Variants in ENTPD1 observed in about 807,000 individuals in gnomAD.
The protein encoded by ENTPD1 is ectonucleoside triphosphate diphosphohydrolase 1, also known as ATP diphosphohydrolase.
A neutral mutation model predicts 57.0 loss-of-function variants in ENTPD1; 33 were observed. The ratio of observed to expected loss-of-function variants is 0.58; its 90% CI spans 0.44 to 0.77. ENTPD1 has a LOEUF of 0.77. Among genes scored for constraint, ENTPD1 ranks in the 30% least tolerant of loss-of-function variants. The pLI, the probability that ENTPD1 is intolerant of heterozygous loss-of-function variation, is 0.00. For synonymous variants in ENTPD1, 202 were observed against 218.8 expected (o/e 0.92, Z 0.68); for missense variants, 501 against 603.4 (o/e 0.83, Z 1.78).
chr10:95,826,593 A>T (rs2098377926), intron 2 of ENTPD1, among the ~76,000 whole-genome samples: 1 of 134,808 alleles, frequency 7.4e-6, no homozygotes, highest in Non-Finnish European at 1.6e-5. Flanking sequence ...AAAAAAAAAA[A>T]TTCCAGGCAG....
rs188371857 is a variant in ENTPD1, at chr10:95,828,226, G to A, written c.144+4862G>A. On this transcript the variant is annotated intron_variant, in intron 2 of 9. Coordinates refer to ENST00000371205, the MANE Select transcript of ENTPD1 (RefSeq NM_001776.6). ...CAGCATTAGATTCTTATAGGACCGC[G>A]AACCCTATTGTGAACTGCACATATG... is the stretch of plus-strand genomic sequence containing the variant. Among the ~76,000 whole-genome samples, 5 of 152,234 alleles carry A rather than the reference G, an allele frequency of 3.3e-5. No individual in the cohort carries two copies. In the East Asian group the frequency reaches 7.7e-4, roughly 23 times the overall value.
the ENTPD1 span, among the ~76,000 whole-genome samples, chr10:95,705,728 G>A: frequency 6.6e-6 from 1 of 152,198 alleles, no homozygotes; most frequent in Non-Finnish European, 1.5e-5. Context: ...CTGACCTCAG[G>A]TGATCTGCCC....
intron 1 of ENTPD1, among the ~76,000 whole-genome samples, chr10:95,789,007 CA>C (rs1485818413): frequency 6.6e-6 from 1 of 152,074 alleles, no homozygotes; most frequent in Non-Finnish European, 1.5e-5. Flanking sequence ...CTAAAGATAA[CA>C]AAAGTTATTT....
At chr10:95,823,203 T>C in intron 1 of ENTPD1, 34 bp from the exon 2 acceptor site, 1 of 1,612,870 alleles carries the variant, frequency 6.2e-7, no homozygotes, top group Non-Finnish European at 8.5e-7. Flanking sequence ...TTTGATTTCT[T>C]GTTGGTATTT....
At chr10:95,856,914 A>G (rs2140946541) in intron 7 of ENTPD1, among the ~76,000 whole-genome samples, 1 of 151,922 alleles carries the variant, frequency 6.6e-6, no homozygotes, top group Middle Eastern at 3.4e-3. Flanking sequence ...TAAACAGTAA[A>G]TTGTTAAAAA....
intron 1 of ENTPD1, among the ~76,000 whole-genome samples, chr10:95,806,804 G>T (rs1366349173): frequency 6.6e-6 from 1 of 151,876 alleles, no homozygotes; most frequent in African/African-American, 2.4e-5. Context: ...TGTTTGTCTG[G>T]GTATCACCAG....
Position 95,873,072 on chromosome 10 carries a change from T to A in ENTPD1, c.*6689T>A. 1.1e-6 allele frequency: 1 copy of A among 921,592 alleles called. No individual in the cohort carries two copies. The highest frequency in any genetic ancestry group is 1.3e-6 in the Non-Finnish European group (1 of 771,894). The allele number at this position is 921,592 out of a possible 1,614,324, so 57.1% of individuals were successfully genotyped here. A position where few individuals can be genotyped will look rare whatever the true frequency, so the allele number is the denominator to read the frequency against. ...ATAAAAATTATTTAATTTTAATTAA[T>A]ATAAATAATTCAGTAGGTCTGGGGT... is the stretch of plus-strand genomic sequence containing the variant. On this transcript the variant is annotated 3_prime_UTR_variant, in exon 10 of 10. Coordinates refer to ENST00000371205, the MANE Select transcript of ENTPD1 (RefSeq NM_001776.6).
At chr10:95,757,266 G>T (rs1241342661) in intron 1 of ENTPD1, among the ~76,000 whole-genome samples, 3 of 152,220 alleles carry the variant, frequency 2.0e-5, no homozygotes, top group Non-Finnish European at 4.4e-5. Flanking sequence ...CATATTACAT[G>T]TGCTACTTAC....
chr10:95,768,104 C>A (rs2098097577), intron 1 of ENTPD1, among the ~76,000 whole-genome samples: 1 of 152,228 alleles, frequency 6.6e-6, no homozygotes, highest in Non-Finnish European at 1.5e-5. Context: ...AAATAAACTT[C>A]TGTTGTTTAT....
chr10:95,829,946 G>T (rs1187907611), intron 2 of ENTPD1, among the ~76,000 whole-genome samples: 1 of 152,074 alleles, frequency 6.6e-6, no homozygotes, highest in Non-Finnish European at 1.5e-5. Flanking sequence ...TGTATTAAAA[G>T]CTAGTTTGGC....
intron 6 of ENTPD1, chr10:95,845,994 T>G: frequency 5.8e-6 from 1 of 173,360 alleles, no homozygotes; most frequent in Non-Finnish European, 1.2e-5. Flanking sequence ...AGAAATGACC[T>G]GGAGAGGAGA....
chr10:95,763,272 ATTTTTATATGTGGTGTCATCGT>A (rs921308021), intron 1 of ENTPD1, among the ~76,000 whole-genome samples: 10 of 152,014 alleles, frequency 6.6e-5, no homozygotes, highest in African/African-American at 2.4e-4. Flanking sequence ...GATCCAACAC[ATTTTTATATGTGGTGTCATCGT>A]TTTCTAAATA....
At chr10:95,841,880 G>A (rs565678629) in intron 3 of ENTPD1, among the ~76,000 whole-genome samples, 1 of 152,334 alleles carries the variant, frequency 6.6e-6, no homozygotes, top group East Asian at 1.9e-4. Context: ...ACTTTAAGGT[G>A]CTGGCCAGGA....
chr10:95,812,516 T>A (rs1444666020), intron 1 of ENTPD1, among the ~76,000 whole-genome samples: 1 of 152,248 alleles, frequency 6.6e-6, no homozygotes, highest in African/African-American at 2.4e-5. Flanking sequence ...GTTTTGAGGT[T>A]TTGGCAATTA....
intron 1 of ENTPD1, among the ~76,000 whole-genome samples, chr10:95,787,326 T>C (rs2140236000): frequency 6.6e-6 from 1 of 152,358 alleles, no homozygotes; most frequent in East Asian, 1.9e-4. Flanking sequence ...TCTTTTACTC[T>C]GTGTAAACAT....
At chr10:95,785,550 A>G (rs2098176156) in intron 1 of ENTPD1, among the ~76,000 whole-genome samples, 1 of 152,256 alleles carries the variant, frequency 6.6e-6, no homozygotes, top group Admixed American at 6.5e-5. Context: ...AAACCAACCC[A>G]GCAACTTATG....
chr10:95,831,147 C>T (rs1482678774), intron 2 of ENTPD1, among the ~76,000 whole-genome samples: 1 of 152,126 alleles, frequency 6.6e-6, no homozygotes, highest in East Asian at 1.9e-4. Context: ...TACCTTGGGA[C>T]GGTTAATGCT....
intron 2 of ENTPD1, among the ~76,000 whole-genome samples, chr10:95,830,590 G>A (rs957023005): frequency 1.1e-4 from 17 of 152,272 alleles, no homozygotes; most frequent in African/African-American, 2.9e-4. Flanking sequence ...CAGATCACTT[G>A]AGGTCAGGAG....
Position 95,847,529 on chromosome 10 carries a change from C to G in ENTPD1, c.897C>G (p.Thr299=). 3 of 1,614,098 alleles carry G rather than the reference C, an allele frequency of 1.9e-6. No homozygotes were observed. The highest frequency in any genetic ancestry group is 1.7e-6 in the Non-Finnish European group (2 of 1,180,016). The change falls in exon 7 of 10, where the codon ACC becomes ACG. Residue 299 remains threonine (T), a synonymous_variant. Transcript: ENST00000371205. ...TGAACGTAAGTGACCTTTACAAGAC[C>G]CCCTGCACCAAGAGATTTGAGATGA... ...KVVNVSDLYK[T]PCTKRFEMTL...
Sources: gnomAD v4.1 joint callset for allele counts (sites outside exome capture counted in the v4.1 genomes callset) on GRCh38, gnomAD v4.1.1 for gene constraint, MANE v1.5 for transcripts, NCBI Gene and HGNC (gene_info 2026-07-23, HGNC 2026-07-21) for gene names.